The following L3MBTL3 variants were observed in gnomAD, a reference collection of about 807,000 sequenced individuals.
L3MBTL3 encodes the protein L3MBTL histone methyl-lysine binding protein 3.
L3MBTL3 carries 27 observed loss-of-function variants against 102.3 expected under a neutral mutation model. The ratio of observed to expected loss-of-function variants is 0.26; its 90% CI spans 0.19 to 0.36. The LOEUF is 0.36. Among genes scored for constraint, L3MBTL3 ranks in the 10% least tolerant of loss-of-function variants. L3MBTL3 has a pLI of 1.00. For synonymous variants in L3MBTL3, 340 were observed against 320.9 expected (o/e 1.06, Z -0.64); for missense variants, 798 against 955.3 (o/e 0.84, Z 2.17).
intron 6 of L3MBTL3, among the ~76,000 whole-genome samples, chr6:130,051,808 A>G (rs1000143116): frequency 1.3e-5 from 2 of 152,242 alleles, no homozygotes; most frequent in Non-Finnish European, 1.5e-5. Flanking sequence ...CACCTACGGC[A>G]TAAAGCTTCC....
intron 3 of L3MBTL3, among the ~76,000 whole-genome samples, chr6:130,045,780 A>C (rs562103268): frequency 6.6e-6 from 1 of 152,306 alleles, no homozygotes; most frequent in South Asian, 2.1e-4. Context: ...GGAAATATGT[A>C]GGAGTCTCCA....
chr6:130,089,931 G>T (rs573387822), intron 16 of L3MBTL3, among the ~76,000 whole-genome samples: 1 of 150,716 alleles, frequency 6.6e-6, no homozygotes, highest in East Asian at 1.9e-4. Flanking sequence ...TTTTTTTCTC[G>T]AACTCTTTCT....
At chr6:130,032,477 A>AT (rs920730369) in intron 2 of L3MBTL3, among the ~76,000 whole-genome samples, 95 of 150,130 alleles carry the variant, frequency 6.3e-4, no homozygotes, top group Middle Eastern at 6.8e-3. Flanking sequence ...TCACTGCCTA[A>AT]TTTTTTTTTT....
chr6:130,114,994 A>G (rs1785571829), intron 19 of L3MBTL3, among the ~76,000 whole-genome samples: 1 of 151,960 alleles, frequency 6.6e-6, no homozygotes, highest in Non-Finnish European at 1.5e-5. Flanking sequence ...GGAGATTCTC[A>G]TTCCCTTATG....
intron 19 of L3MBTL3, among the ~76,000 whole-genome samples, chr6:130,105,158 C>G (rs1234636222): frequency 6.6e-6 from 1 of 152,036 alleles, no homozygotes; most frequent in Non-Finnish European, 1.5e-5. Context: ...ACTGAGGATG[C>G]TATTAAAAGA....
rs1293568531 is a variant in L3MBTL3 at position 130,120,907 on chromosome 6, G to A, written c.1915G>A (p.Asp639Asn). 2 of 1,611,822 alleles carry A rather than the reference G, an allele frequency of 1.2e-6. No homozygotes were observed. Among genetic ancestry groups the A allele is most frequent in the African/African-American group, 1.3e-5 (1 of 74,790 alleles). Residue 639 changes from aspartate (D) to asparagine (N), a missense_variant, in exon 20 of 23, where the codon GAC (aspartate) becomes AAC (asparagine). Physicochemically the swap from Asp to Asn is conservative, Grantham distance 23 (BLOSUM62 1). Transcript: ENST00000361794. ...CCAGCATGCTGATGATGTCAAAGAA[G>A]ACTTTGAAGAGAGAACAGAAAGTGA... ...RDQHADDVKE[D>N]FEERTESEMR...
At chr6:130,126,215 A>G (rs1352649804) in intron 20 of L3MBTL3, among the ~76,000 whole-genome samples, 1 of 152,076 alleles carries the variant, frequency 6.6e-6, no homozygotes, top group African/African-American at 2.4e-5. Context: ...TTGACCTTCA[A>G]ATTTAAATTG....
intron 18 of L3MBTL3, among the ~76,000 whole-genome samples, chr6:130,101,781 T>G (rs1784705584): frequency 6.6e-6 from 1 of 152,212 alleles, no homozygotes; most frequent in African/African-American, 2.4e-5. Context: ...CAGTGAGTGT[T>G]TTCTGCTCAA....
At chr6:130,070,887 G>T in intron 12 of L3MBTL3, 89 bp from the exon 13 acceptor site, 1 of 891,876 alleles carries the variant, frequency 1.1e-6, no homozygotes, top group South Asian at 2.5e-5. Flanking sequence ...GTGGATGCTG[G>T]GCCTTTGAGC....
In L3MBTL3 at chr6:130,083,615, C is replaced by T; in HGVS notation, c.1322-5C>T. ...CCTCATAGGATTTACATTTTTCTTT[C>T]TTAGGTTATCCAAATGTGAAACATT... On this transcript the variant is annotated splice_region_variant and splice_polypyrimidine_tract_variant and intron_variant, in intron 14 of 22. Coordinates refer to ENST00000361794, the MANE Select transcript of L3MBTL3 (RefSeq NM_032438.4). 1.4e-6 allele frequency: 2 copies of T among 1,398,804 alleles called. No individual in the cohort carries two copies. The highest frequency in any genetic ancestry group is 9.8e-7 in the Non-Finnish European group (1 of 1,021,230). 86.6% of individuals were successfully genotyped at this position (1,398,804 alleles called of 1,614,324 possible).
At chr6:130,064,138 A>G (rs757229448) in intron 10 of L3MBTL3, among the ~76,000 whole-genome samples, 1 of 152,230 alleles carries the variant, frequency 6.6e-6, no homozygotes, top group Non-Finnish European at 1.5e-5. Context: ...CAAGATGGAT[A>G]CCTGAAATGA....
intron 18 of L3MBTL3, among the ~76,000 whole-genome samples, chr6:130,098,281 A>G (rs1255708474): frequency 2.0e-5 from 3 of 152,176 alleles, no homozygotes; most frequent in African/African-American, 7.2e-5. Context: ...TTCACCATGC[A>G]TCTATCCGTG....
chr6:130,102,593 C>G (rs1470691273), intron 18 of L3MBTL3, among the ~76,000 whole-genome samples: 2 of 152,174 alleles, frequency 1.3e-5, no homozygotes, highest in Admixed American at 6.5e-5. Context: ...ATGATATTTG[C>G]CTGCCTGCTT....
chr6:130,073,962 C>A (rs1360347978), intron 13 of L3MBTL3, among the ~76,000 whole-genome samples: 1 of 152,182 alleles, frequency 6.6e-6, no homozygotes, highest in East Asian at 1.9e-4. Context: ...TCTTCCTCAA[C>A]ATGCAGTTAA....
At chr6:130,085,019 G>C (rs537848342) in intron 15 of L3MBTL3, among the ~76,000 whole-genome samples, 4 of 152,148 alleles carry the variant, frequency 2.6e-5, no homozygotes, top group African/African-American at 9.6e-5. Context: ...TTGTAGAGAA[G>C]AGGTTTTGCT....
chr6:130,025,791 CAG>C (rs1462621807), intron 2 of L3MBTL3, among the ~76,000 whole-genome samples: 4 of 152,166 alleles, frequency 2.6e-5, no homozygotes, highest in Non-Finnish European at 5.9e-5. Flanking sequence ...GTTCCACCAA[CAG>C]ATACTTATTG....
chr6:130,104,392 G>A (rs1784865438), intron 18 of L3MBTL3, 34 bp from the exon 19 acceptor site: 1 of 1,453,068 alleles, frequency 6.9e-7, no homozygotes, highest in Non-Finnish European at 9.2e-7. Flanking sequence ...AATGTTCAAT[G>A]TTCTTTTTTT....
intron 6 of L3MBTL3, among the ~76,000 whole-genome samples, chr6:130,052,228 TCCCG>T (rs1781148188): frequency 6.6e-6 from 1 of 151,988 alleles, no homozygotes; most frequent in African/African-American, 2.4e-5. Flanking sequence ...TGCCTCAGCC[TCCCG>T]AGTAGCTGGG....
At chr6:130,051,536 C>T in intron 6 of L3MBTL3, 128 bp downstream of exon 6, 1 of 818,378 alleles carries the variant, frequency 1.2e-6, no homozygotes, top group Admixed American at 2.5e-5. Context: ...AGAGACTTTT[C>T]CTTTAGGGCC....
Sources: gnomAD v4.1 joint callset for allele counts (sites outside exome capture counted in the v4.1 genomes callset) on GRCh38, gnomAD v4.1.1 for gene constraint, MANE v1.5 for transcripts, NCBI Gene and HGNC (gene_info 2026-07-23, HGNC 2026-07-21) for gene names.